FHIT: variants seen among roughly 807,000 people sequenced by gnomAD.
The protein encoded by FHIT is fragile histidine triad diadenosine triphosphatase.
In FHIT, 19 loss-of-function variants were observed where a neutral mutation model predicts 17.9. That is an observed-to-expected ratio of 1.06 (90% CI 0.74 to 1.56). FHIT has a LOEUF of 1.56. Among genes scored for constraint, FHIT ranks in the 40% most tolerant of loss-of-function variants. FHIT has a pLI of 0.00. For synonymous variants in FHIT, 81 were observed against 69.7 expected (o/e 1.16, Z -0.81); for missense variants, 248 against 189.2 (o/e 1.31, Z -1.82).
chr3:60,460,391 T>C (rs1022437533), intron 5 of FHIT, among the ~76,000 whole-genome samples: 1 of 152,130 alleles, frequency 6.6e-6, no homozygotes, highest in African/African-American at 2.4e-5. Flanking sequence ...AACACCTTTT[T>C]TTAAAATTTG....
intron 2 of FHIT, among the ~76,000 whole-genome samples, chr3:61,113,550 T>C (rs549077945): frequency 6.6e-6 from 1 of 152,334 alleles, no homozygotes; most frequent in African/African-American, 2.4e-5. Flanking sequence ...GCTTTGTTCC[T>C]AACTCTTAGT....
chr3:60,558,831 T>C (rs1287539292), intron 4 of FHIT, among the ~76,000 whole-genome samples: 4 of 152,194 alleles, frequency 2.6e-5, no homozygotes, highest in Non-Finnish European at 4.4e-5. Flanking sequence ...ATGGAAAACC[T>C]ATTGCTCATT....
intron 5 of FHIT, among the ~76,000 whole-genome samples, chr3:60,429,248 T>C (rs1164398147): frequency 6.6e-6 from 1 of 152,036 alleles, no homozygotes; most frequent in Non-Finnish European, 1.5e-5. Context: ...CTTTAAGTGA[T>C]TTTAAAAGAT....
At chr3:60,098,088 G>A (rs1297651502) in intron 5 of FHIT, among the ~76,000 whole-genome samples, 2 of 150,628 alleles carry the variant, frequency 1.3e-5, no homozygotes, top group African/African-American at 4.9e-5. Context: ...GTGTATATGT[G>A]CCACGTTTTC....
intron 4 of FHIT, among the ~76,000 whole-genome samples, chr3:60,693,253 A>G (rs1553699883): frequency 6.6e-6 from 1 of 152,212 alleles, no homozygotes. Flanking sequence ...AGTGAATGCA[A>G]ACTTAAGAAA....
In FHIT at chr3:61,191,662, C is replaced by T. The variant is rs536701409; in HGVS notation, c.-164+8955G>A. 3.3e-5 allele frequency among the ~76,000 whole-genome samples: 5 copies of T among 152,174 alleles called. No individual in the cohort carries two copies. The East Asian group carries it at 9.7e-4, about 29-fold the overall frequency. On this transcript the variant is annotated intron_variant, in intron 2 of 9. Transcript: ENST00000492590. The stretch of plus-strand genomic sequence containing the variant: ...ATTATCCCAGAAAAGAGATAAAACC[C>T]GATTAGTTTAAAACAGGGAAAGGGT...
rs553055205 is a variant in FHIT at position 60,543,692 on chromosome 3, T to C, written c.-17-6713A>G. ...TTCTACGTTCTTATAGCTGGCAATC[T>C]AGCTGAACTCTTGCATTGCTTCTAA... On this transcript the variant is annotated intron_variant, in intron 4 of 9. Coordinates refer to ENST00000492590, the MANE Select transcript of FHIT (RefSeq NM_002012.4). Among the ~76,000 whole-genome samples the C allele has an allele frequency of 2.0e-5, 3 of 152,272 alleles. No homozygotes were observed. In the South Asian group the frequency reaches 6.2e-4, roughly 32 times the overall value.
At chr3:60,742,422 T>A (rs942615293) in intron 4 of FHIT, among the ~76,000 whole-genome samples, 1 of 152,184 alleles carries the variant, frequency 6.6e-6, no homozygotes, top group East Asian at 1.9e-4. Flanking sequence ...AGGTCTATAT[T>A]CTTCATTCCT....
intron 3 of FHIT, among the ~76,000 whole-genome samples, chr3:60,931,752 T>C (rs1042490975): frequency 1.3e-5 from 2 of 152,226 alleles, no homozygotes; most frequent in Non-Finnish European, 2.9e-5. Context: ...TCCAGCAATT[T>C]TATTAAACTG....
rs369986601 is a variant in FHIT at position 60,831,611 on chromosome 3, TA to T, written c.-110-9601del. Among the ~76,000 whole-genome samples the T allele has an allele frequency of 4.7e-4, 70 of 149,966 alleles. 1 individual carries two copies. The highest frequency in any genetic ancestry group is 3.4e-3 in the Middle Eastern group (1 of 294). On this transcript the variant is annotated intron_variant, in intron 3 of 9. Transcript: ENST00000492590. ...CTTCAGACTTAGTTCATATTTACAA[TA>T]AAACCATAATCATAAAAATTAATAA...
intron 5 of FHIT, among the ~76,000 whole-genome samples, chr3:60,512,362 A>T (rs2034983814): frequency 6.6e-6 from 1 of 152,166 alleles, no homozygotes; most frequent in African/African-American, 2.4e-5. Context: ...CAATTAAGCA[A>T]CCTGCCCCAC....
At chr3:61,085,832 C>A (rs1190390313) in intron 2 of FHIT, among the ~76,000 whole-genome samples, 1 of 152,084 alleles carries the variant, frequency 6.6e-6, no homozygotes, top group Non-Finnish European at 1.5e-5. Flanking sequence ...TAAAGACATG[C>A]AATTGTTCCA....
intron 4 of FHIT, among the ~76,000 whole-genome samples, chr3:60,797,713 G>A (rs923933575): frequency 6.8e-6 from 1 of 148,078 alleles, no homozygotes; most frequent in Admixed American, 6.9e-5. Context: ...CAACTAGATG[G>A]GCATTGAACA....
At chr3:60,324,625 T>C (rs1709598055) in intron 5 of FHIT, among the ~76,000 whole-genome samples, 1 of 151,672 alleles carries the variant, frequency 6.6e-6, no homozygotes. Context: ...AGAGTTGTGG[T>C]TGAAAAGGGA....
At chr3:60,474,181 C>G (rs1261599342) in intron 5 of FHIT, among the ~76,000 whole-genome samples, 1 of 152,164 alleles carries the variant, frequency 6.6e-6, no homozygotes, top group African/African-American at 2.4e-5. Context: ...AGGGTCAACC[C>G]TGACTGCACC....
chr3:60,244,536 T>C (rs1285223659), intron 5 of FHIT, among the ~76,000 whole-genome samples: 1 of 152,078 alleles, frequency 6.6e-6, no homozygotes, highest in Non-Finnish European at 1.5e-5. Flanking sequence ...AAATAGCTTT[T>C]TTACTGACTG....
At chr3:60,726,765 C>T (rs2041924397) in intron 4 of FHIT, among the ~76,000 whole-genome samples, 1 of 151,910 alleles carries the variant, frequency 6.6e-6, no homozygotes, top group Non-Finnish European at 1.5e-5. Context: ...ATTATTATTC[C>T]CATTTTATAT....
chr3:60,442,485 A>G (rs921177395), intron 5 of FHIT, among the ~76,000 whole-genome samples: 16 of 152,138 alleles, frequency 1.1e-4, no homozygotes, highest in Non-Finnish European at 2.1e-4. Context: ...TCAGCTTTCT[A>G]CATATGGCTA....
chr3:60,855,893 G>A (rs9845331), intron 3 of FHIT, among the ~76,000 whole-genome samples: 11,008 of 152,074 alleles, frequency 0.072, 1,289 homozygotes, highest in African/African-American at 0.25. Flanking sequence ...TTCAAAAGAC[G>A]TAACAACAAG....
Sources: gnomAD v4.1 joint callset for allele counts (sites outside exome capture counted in the v4.1 genomes callset) on GRCh38, gnomAD v4.1.1 for gene constraint, MANE v1.5 for transcripts, NCBI Gene and HGNC (gene_info 2026-07-23, HGNC 2026-07-21) for gene names.